KLRD1: variants seen among roughly 807,000 people sequenced by gnomAD.
KLRD1 encodes the protein natural killer cells antigen CD94.
In KLRD1, 21 loss-of-function variants were observed where a neutral mutation model predicts 22.6. The observed-to-expected ratio is 0.93, with a 90% CI of 0.66 to 1.34. The LOEUF is 1.34. Among genes scored for constraint, KLRD1 ranks in the 40% most tolerant of loss-of-function variants. The pLI is 0.00. For synonymous variants in KLRD1, 59 were observed against 71.1 expected (o/e 0.83, Z 0.85); for missense variants, 183 against 208.6 (o/e 0.88, Z 0.76).
rs1327597569 is a variant in KLRD1, at chr12:10,329,030, G to A, written c.*14237G>A. 7 of 152,094 alleles carry A rather than the reference G, an allele frequency of 4.6e-5. No individual in the cohort carries two copies. The South Asian group carries it at 1.5e-3, about 32-fold the overall frequency. The allele number at this position is 152,094 out of a possible 1,614,324, so 9.4% of individuals were successfully genotyped here. On this transcript the variant is annotated 3_prime_UTR_variant, in exon 6 of 6. Transcript: ENST00000336164. ...CCCACTGGGTCCCTCCACCAACATG[G>A]GGGAATTATGGGAGCTACAATTCAA... is the stretch of plus-strand genomic sequence containing the variant.
intron 1 of KLRD1, among the ~76,000 whole-genome samples, chr12:10,252,450 G>A (rs1404771522): frequency 6.6e-6 from 1 of 152,124 alleles, no homozygotes; most frequent in Non-Finnish European, 1.5e-5. Flanking sequence ...GCTGCAGTGA[G>A]CTGTGATTGC....
At chr12:10,283,683 C>T (rs1173256977) in intron 1 of KLRD1, among the ~76,000 whole-genome samples, 1 of 152,074 alleles carries the variant, frequency 6.6e-6, no homozygotes, top group Non-Finnish European at 1.5e-5. Context: ...GCTCCATTGA[C>T]TCCACCTACC....
intron 1 of KLRD1, chr12:10,309,187 C>T (rs1162200609): frequency 1.4e-5 from 6 of 443,000 alleles, no homozygotes; most frequent in Non-Finnish European, 8.0e-6. Flanking sequence ...GAATAATCTT[C>T]CTGAAGAATA....
At chr12:10,259,145 T>C (rs1949425550) in intron 1 of KLRD1, among the ~76,000 whole-genome samples, 1 of 152,216 alleles carries the variant, frequency 6.6e-6, no homozygotes, top group Non-Finnish European at 1.5e-5. Context: ...GAATATCCAC[T>C]AAAGACACAG....
Position 10,314,680 on chromosome 12 carries a change from T to C in KLRD1, c.427T>C (p.Ser143Pro). 1.3e-6 allele frequency: 2 copies of C among 1,566,950 alleles called. No homozygotes were observed. Among genetic ancestry groups the C allele is most frequent in the African/African-American group, 1.4e-5 (1 of 72,780 alleles). ...GSALSQYLFP[S>P]FETFNTKNCI... ...TTTTCTTCTTCATTACAGATTTCCATCATTTGAAACTTTTAATACAAAGAA... is the reference window on the plus strand; with the variant it reads ...TTTTCTTCTTCATTACAGATTTCCACCATTTGAAACTTTTAATACAAAGAA... Residue 143 changes from serine to proline, a missense_variant, in exon 6 of 6, where the codon TCA becomes CCA. By Grantham distance (74) the Ser-to-Pro change is moderately conservative. Transcript: ENST00000336164.
At chr12:10,305,958 C>T (rs1281567031), upstream of KLRD1, among the ~76,000 whole-genome samples, 7 of 151,566 alleles carry the variant, frequency 4.6e-5, no homozygotes, top group South Asian at 6.3e-4. Context: ...GTCAGGAGAT[C>T]GAGACAATCC....
At chr12:10,301,384 C>T (rs1327985957), upstream of KLRD1, among the ~76,000 whole-genome samples, 1 of 152,190 alleles carries the variant, frequency 6.6e-6, no homozygotes, top group Non-Finnish European at 1.5e-5. Flanking sequence ...GAAACTGACA[C>T]ATGATAGAAT....
intron 1 of KLRD1, among the ~76,000 whole-genome samples, chr12:10,244,231 A>G (rs927374440): frequency 6.6e-6 from 1 of 152,022 alleles, no homozygotes; most frequent in Admixed American, 6.6e-5. Flanking sequence ...AAACTGGAAC[A>G]TAAAAGAAAA....
At chr12:10,255,135 A>T (rs1463830241) in intron 1 of KLRD1, among the ~76,000 whole-genome samples, 1 of 152,178 alleles carries the variant, frequency 6.6e-6, no homozygotes, top group Non-Finnish European at 1.5e-5. Context: ...ATATTTATAT[A>T]CTGTTAGTGG....
At chr12:10,278,977 G>T (rs1212313535) in intron 1 of KLRD1, among the ~76,000 whole-genome samples, 36 of 128,362 alleles carry the variant, frequency 2.8e-4, no homozygotes, top group South Asian at 4.9e-4. Context: ...GTAAAAACAT[G>T]TTAGCATCAG....
At chr12:10,269,999 CATA>C (rs1001016247) in intron 1 of KLRD1, among the ~76,000 whole-genome samples, 8 of 152,010 alleles carry the variant, frequency 5.3e-5, no homozygotes, top group African/African-American at 1.9e-4. Flanking sequence ...AACTTAATGC[CATA>C]ATAAGTTAAC....
At position 10,316,683 on chromosome 12, in the gene KLRD1, A is replaced by AT. The variant is rs914552747; in HGVS notation, c.*1891dup. 4 of 152,350 alleles carry AT rather than the reference A, an allele frequency of 2.6e-5. No homozygotes were observed. Among genetic ancestry groups the AT allele is most frequent in the African/African-American group, 9.6e-5 (4 of 41,588 alleles). 9.4% of individuals were successfully genotyped at this position (152,350 alleles called of 1,614,324 possible). The stretch of plus-strand genomic sequence containing the variant: ...CTCCTAAAGGGCTGGAATTACAGGC[A>AT]TAAGCCACTGTGCCCGGCCAGTTTA... On this transcript the variant is annotated 3_prime_UTR_variant, in exon 6 of 6. Transcript: ENST00000336164.
chr12:10,240,033 A>C lies in KLRD1; in HGVS notation c.-101+13800A>C, dbSNP rs144837618. 1.2e-4 allele frequency among the ~76,000 whole-genome samples: 18 copies of C among 151,618 alleles called. 1 individual carries two copies. The highest frequency in any genetic ancestry group is 1.2e-3 in the Admixed American group (18 of 15,204). ...AAAATTACCACAGGTGGGATTGTCA[A>C]GGTGTTCCGGGATAATCATTTCTAC... is the stretch of plus-strand genomic sequence containing the variant. On this transcript the variant is annotated intron_variant, in intron 1 of 5. Transcript: ENST00000544747.
intron 1 of KLRD1, 30 bp from the exon 2 acceptor site, chr12:10,309,358 A>C: frequency 1.0e-6 from 1 of 1,002,254 alleles, no homozygotes; most frequent in Non-Finnish European, 1.6e-6. Context: ...TTGCTCTTTA[A>C]GTCATTACTC....
At chr12:10,308,356 C>T in intron 1 of KLRD1, 1 of 450,712 alleles carries the variant, frequency 2.2e-6, no homozygotes, top group Non-Finnish European at 4.0e-6. Flanking sequence ...GAACTTTAGC[C>T]TGGTTAAATT....
intron 1 of KLRD1, among the ~76,000 whole-genome samples, chr12:10,271,785 A>G (rs1949551861): frequency 1.3e-5 from 2 of 152,124 alleles, no homozygotes; most frequent in Non-Finnish European, 2.9e-5. Flanking sequence ...AAATTGTCAC[A>G]TTTTATAATC....
intron 1 of KLRD1, among the ~76,000 whole-genome samples, chr12:10,272,257 C>G (rs146658243): frequency 3.9e-5 from 6 of 152,240 alleles, no homozygotes; most frequent in African/African-American, 1.2e-4. Flanking sequence ...ACAAGTGAAG[C>G]AGAACTCATA....
intron 1 of KLRD1, among the ~76,000 whole-genome samples, chr12:10,272,640 G>A (rs61298738): frequency 1.3e-5 from 2 of 152,232 alleles, no homozygotes; most frequent in East Asian, 1.9e-4. Flanking sequence ...AATTGTAAGG[G>A]CCAATGAGCA....
chr12:10,309,865 T>C (rs976132628), intron 3 of KLRD1, among the ~76,000 whole-genome samples, 177 bp downstream of exon 3: 1 of 152,228 alleles, frequency 6.6e-6, no homozygotes, highest in South Asian at 2.1e-4. Flanking sequence ...TAAATTACAC[T>C]GAATGTGTAT....
Sources: allele counts gnomAD v4.1 joint callset (sites outside exome capture counted in the v4.1 genomes callset), GRCh38; gene constraint gnomAD v4.1.1; transcripts MANE v1.5; gene names NCBI Gene and HGNC (gene_info 2026-07-23, HGNC 2026-07-21).